ATXN1: variants seen among roughly 807,000 people sequenced by gnomAD.
ATXN1 encodes the protein ataxin 1.
In ATXN1, 8 loss-of-function variants were observed where a neutral mutation model predicts 56.4. The ratio of observed to expected loss-of-function variants is 0.14; its 90% CI spans 0.08 to 0.26. ATXN1 has a LOEUF of 0.26. Ranked by LOEUF, ATXN1 falls within the 10% of genes least tolerant of loss-of-function variation. The pLI is 1.00. For missense variants in ATXN1, 987 were observed against 1,106.5 expected (o/e 0.89, Z 1.53); for synonymous variants, 514 against 494.6 (o/e 1.04, Z -0.52).
intron 6 of ATXN1, among the ~76,000 whole-genome samples, chr6:16,418,479 A>C (rs1758961046): frequency 6.6e-6 from 1 of 152,212 alleles, no homozygotes; most frequent in African/African-American, 2.4e-5. Context: ...GCACATGTCA[A>C]ATCAAAGAAG....
chr6:16,708,465 A>G (rs1478067610), intron 2 of ATXN1, among the ~76,000 whole-genome samples: 1 of 152,240 alleles, frequency 6.6e-6, no homozygotes, highest in Admixed American at 6.5e-5. Flanking sequence ...ATACTGAGTT[A>G]AGTGACAATA....
intron 3 of ATXN1, among the ~76,000 whole-genome samples, chr6:16,605,589 G>T (rs1762990744): frequency 6.6e-6 from 1 of 152,196 alleles, no homozygotes; most frequent in African/African-American, 2.4e-5. Context: ...TGGGGGAAGA[G>T]GTATGCTCAG....
At chr6:16,597,711 AT>A (rs151338958) in intron 3 of ATXN1, among the ~76,000 whole-genome samples, 9,599 of 152,224 alleles carry the variant, frequency 0.063, 997 homozygotes, top group African/African-American at 0.22. Flanking sequence ...AGGTGCTGGG[AT>A]TTGCAGGCGT....
chr6:16,508,813 C>T (rs1365579086), intron 5 of ATXN1, among the ~76,000 whole-genome samples: 1 of 152,170 alleles, frequency 6.6e-6, no homozygotes, highest in Non-Finnish European at 1.5e-5. Context: ...CAAATTTGTA[C>T]ACCCACATTC....
chr6:16,744,863 T>C lies in ATXN1; in HGVS notation c.-615+8370A>G, dbSNP rs539293520. 2.3e-4 allele frequency among the ~76,000 whole-genome samples: 35 copies of C among 152,238 alleles called. No individual in the cohort carries two copies. The South Asian group carries it at 7.0e-3, about 31-fold the overall frequency. On this transcript the variant is annotated intron_variant, in intron 2 of 7. Transcript: ENST00000436367. ...GCTGATCATATAAAAACTTGAACCG[T>C]TGTACAACAAAAAGCATCATCACTG...
At chr6:16,527,197 A>G (rs556196230) in intron 4 of ATXN1, among the ~76,000 whole-genome samples, 5 of 152,220 alleles carry the variant, frequency 3.3e-5, no homozygotes, top group African/African-American at 7.2e-5. Context: ...CTTGCCCTCA[A>G]TTAAGGGTGC....
rs1760076026 is a variant in ATXN1 at position 16,301,013 on chromosome 6, A to G, written c.*5316T>C. On this transcript the variant is annotated 3_prime_UTR_variant, in exon 8 of 8. Coordinates refer to ENST00000436367, the MANE Select transcript of ATXN1 (RefSeq NM_001128164.2). Reference sequence around the variant, plus strand: ...GTAGTAATTCTTCCAGGCCATAACCATACAAATCTGATCATTTAGACATGA... The same window carrying G: ...GTAGTAATTCTTCCAGGCCATAACCGTACAAATCTGATCATTTAGACATGA... 1 of 152,630 alleles carries G rather than the reference A, an allele frequency of 6.6e-6. No individual in the cohort carries two copies. Among genetic ancestry groups the G allele is most frequent in the Non-Finnish European group, 1.5e-5 (1 of 68,042 alleles). The allele number at this position is 152,630 out of a possible 1,614,324, so 9.5% of individuals were successfully genotyped here. A position where few individuals can be genotyped will look rare whatever the true frequency, so the allele number is the denominator to read the frequency against.
intron 3 of ATXN1, among the ~76,000 whole-genome samples, chr6:16,601,893 A>T (rs1762919315): frequency 6.6e-6 from 1 of 152,150 alleles, no homozygotes. Flanking sequence ...TCCAGAGTAG[A>T]AATACAAGTA....
intron 6 of ATXN1, among the ~76,000 whole-genome samples, chr6:16,406,082 C>G (rs116200123): frequency 0.018 from 2,737 of 152,306 alleles, 94 homozygotes; most frequent in African/African-American, 0.062. Flanking sequence ...GCAGATTTAG[C>G]TGATTGTTCA....
intron 4 of ATXN1, among the ~76,000 whole-genome samples, chr6:16,567,668 T>C (rs945471394): frequency 6.6e-6 from 1 of 152,214 alleles, no homozygotes; most frequent in African/African-American, 2.4e-5. Flanking sequence ...TTTACTTGTA[T>C]ATGGATAGTA....
chr6:16,472,155 T>C lies in ATXN1; in HGVS notation c.-161+13817A>G, dbSNP rs557390439. ...GTGAAATAACACGCAGGTGGCAGCA[T>C]ATGCACACCTGCGTCTTCACCCCAC... On this transcript the variant is annotated intron_variant, in intron 6 of 7. Coordinates refer to ENST00000436367, the MANE Select transcript of ATXN1 (RefSeq NM_001128164.2). Among the ~76,000 whole-genome samples, 4 of 152,276 alleles carry C rather than the reference T, an allele frequency of 2.6e-5. No individual in the cohort carries two copies. In the South Asian group the frequency reaches 8.3e-4, roughly 32 times the overall value.
intron 2 of ATXN1, among the ~76,000 whole-genome samples, chr6:16,668,776 A>G (rs1758481398): frequency 6.6e-6 from 1 of 151,432 alleles, no homozygotes. Context: ...AGCTTTTATT[A>G]TTTTATTTTA....
intron 3 of ATXN1, among the ~76,000 whole-genome samples, chr6:16,645,713 A>G (rs1485864651): frequency 6.6e-6 from 1 of 152,220 alleles, no homozygotes; most frequent in African/African-American, 2.4e-5. Context: ...AAGATTTCCT[A>G]TGGGGATCAA....
chr6:16,452,741 C>G (rs1216005471), intron 6 of ATXN1, among the ~76,000 whole-genome samples: 1 of 152,214 alleles, frequency 6.6e-6, no homozygotes. Context: ...TACATCTATT[C>G]TTGTCTCATT....
intron 2 of ATXN1, among the ~76,000 whole-genome samples, chr6:16,678,088 G>T (rs186491245): frequency 6.6e-6 from 1 of 152,022 alleles, no homozygotes; most frequent in Non-Finnish European, 1.5e-5. Flanking sequence ...AGAGCAAAAA[G>T]AAGGGAAAAA....
chr6:16,584,383 A>C (rs968895856), intron 4 of ATXN1, among the ~76,000 whole-genome samples: 9 of 151,800 alleles, frequency 5.9e-5, no homozygotes, highest in African/African-American at 2.2e-4. Flanking sequence ...TTTTTTATTA[A>C]ATACCTTTTT....
chr6:16,709,022 T>C (rs1759469593), intron 2 of ATXN1, among the ~76,000 whole-genome samples: 1 of 99,336 alleles, frequency 1.0e-5, no homozygotes, highest in Non-Finnish European at 2.0e-5. Context: ...CGAAACTCTG[T>C]CTCAAAAAAA....
At chr6:16,756,888 C>G (rs1234546598) in intron 1 of ATXN1, among the ~76,000 whole-genome samples, 2 of 152,186 alleles carry the variant, frequency 1.3e-5, no homozygotes, top group Non-Finnish European at 2.9e-5. Context: ...TAGTGTTAGT[C>G]ATCAGAAACT....
intron 6 of ATXN1, among the ~76,000 whole-genome samples, chr6:16,395,270 CAAAA>C (rs748314030): frequency 6.2e-5 from 3 of 48,454 alleles, no homozygotes; most frequent in African/African-American, 2.7e-4. Context: ...AACTCCGTCT[CAAAA>C]AAAAAAAAAA....
Sources: allele counts gnomAD v4.1 joint callset (sites outside exome capture counted in the v4.1 genomes callset), GRCh38; gene constraint gnomAD v4.1.1; transcripts MANE v1.5; gene names NCBI Gene and HGNC (gene_info 2026-07-23, HGNC 2026-07-21).